APBB1: variants seen among roughly 807,000 people sequenced by gnomAD.
APBB1 encodes adaptor protein FE65a2.
A neutral mutation model predicts 78.4 loss-of-function variants in APBB1; 22 were observed. The ratio of observed to expected loss-of-function variants is 0.28; its 90% CI spans 0.20 to 0.40. APBB1 has a LOEUF of 0.40. APBB1 is among the 10% of genes least tolerant of loss of function. The probability of loss-of-function intolerance (pLI) is 1.00; values close to 1 mark genes in which losing one functional copy is unlikely to be tolerated. For synonymous variants in APBB1, 369 were observed against 372.7 expected, an observed-to-expected ratio of 0.99 and a Z score of 0.12; for missense variants, 749 against 932.4, an observed-to-expected ratio of 0.80 and a Z score of 2.56.
At chr11:6,414,115 C>T (rs1394501921) in intron 1 of APBB1, among the ~76,000 whole-genome samples, 2 of 152,086 alleles carry the variant, frequency 1.3e-5, no homozygotes, top group South Asian at 2.1e-4. Flanking sequence ...CCTCTATAAC[C>T]TGTCAGTCCC....
chr11:6,395,719 G>A lies in APBB1; in HGVS notation c.1966-18C>T, dbSNP rs757065822. The A allele has an allele frequency of 6.3e-6, 10 of 1,592,998 alleles. No individual in the cohort carries two copies. The highest frequency in any genetic ancestry group is 5.7e-5 in the South Asian group (5 of 88,350). On this transcript the variant is annotated intron_variant, in intron 14 of 14. Coordinates refer to ENST00000609360, the MANE Select transcript of APBB1 (RefSeq NM_001164.5). This position sits in a 1 kb window ranked among gnomAD's most constrained non-coding sequence, Gnocchi z 5.2. ...TAGCGAAGCTGCGGAGGCAAGCAGG[G>A]CAGTCACTCCCCAGCCTACCTCCCA...
intron 1 of APBB1, among the ~76,000 whole-genome samples, chr11:6,413,856 G>T (rs368546910): frequency 6.6e-6 from 1 of 152,122 alleles, no homozygotes; most frequent in African/African-American, 2.4e-5. Flanking sequence ...AGGTTTCTGC[G>T]CACGTGTCTG....
In APBB1 at chr11:6,408,598, G is replaced by A. The variant is rs146214443; in HGVS notation, c.721+2029C>T. 5.5e-3 allele frequency among the ~76,000 whole-genome samples: 828 copies of A among 151,464 alleles called. 7 individuals are homozygous for A. The highest frequency in any genetic ancestry group is 0.019 in the African/African-American group (801 of 41,220). On this transcript the variant is annotated intron_variant, in intron 2 of 14. Coordinates refer to ENST00000609360, the MANE Select transcript of APBB1 (RefSeq NM_001164.5). The stretch of plus-strand genomic sequence containing the variant: ...CAGCTCACCACAACCTCTGTCTCCC[G>A]GGTTCAAGTGATTCTCCTGCCTCAA...
At chr11:6,409,877 C>A (rs992207093) in intron 2 of APBB1, among the ~76,000 whole-genome samples, 3 of 152,154 alleles carry the variant, frequency 2.0e-5, no homozygotes, top group Non-Finnish European at 4.4e-5. Context: ...CTCCCCCTAC[C>A]CAAAGGGTTT....
intron 1 of APBB1, among the ~76,000 whole-genome samples, chr11:6,412,109 G>C (rs1848981684): frequency 6.6e-6 from 1 of 152,188 alleles, no homozygotes; most frequent in African/African-American, 2.4e-5. Flanking sequence ...CCTTTCCCCT[G>C]GGCCCCTCAG....
At chr11:6,412,418 T>C (rs1564947022) in intron 1 of APBB1, among the ~76,000 whole-genome samples, 2 of 152,178 alleles carry the variant, frequency 1.3e-5, no homozygotes, top group Non-Finnish European at 2.9e-5. Flanking sequence ...CCCAAAGTGC[T>C]GGGATTACAG....
intron 1 of APBB1, among the ~76,000 whole-genome samples, chr11:6,413,172 T>G (rs912770972): frequency 1.8e-4 from 27 of 152,004 alleles, no homozygotes; most frequent in African/African-American, 6.3e-4. Flanking sequence ...TTCTCTCTCA[T>G]CCTGAGCCCT....
chr11:6,413,089 A>G (rs1292819604), intron 1 of APBB1, among the ~76,000 whole-genome samples: 2 of 151,704 alleles, frequency 1.3e-5, no homozygotes, highest in African/African-American at 4.9e-5. Flanking sequence ...GACCCCCAAG[A>G]GAAAGTGCTC....
chr11:6,403,807 G>A lies in APBB1; in HGVS notation c.737C>T (p.Pro246Leu). Residue 246 changes from proline (P) to leucine (L), a missense_variant, in exon 3 of 15, where the codon CCC (proline) becomes CTC (leucine). Transcript: ENST00000609360. The surrounding 1 kb of genome is among the most constrained non-coding windows in gnomAD (Gnocchi z 5.3). Reference sequence around the variant, plus strand: ...GTCGGAATCCGTCTCGAAGGCGTTGGGGTTCCAGAAGGAATCTGCCAGGTG... The same window carrying A: ...GTCGGAATCCGTCTCGAAGGCGTTGAGGTTCCAGAAGGAATCTGCCAGGTG... ...SPEDTDSFWN[P>L]NAFETDSDLP... The A allele has an allele frequency of 6.4e-7, 1 of 1,551,778 alleles. No homozygotes were observed. Among genetic ancestry groups the A allele is most frequent in the Non-Finnish European group, 8.7e-7 (1 of 1,148,238 alleles).
At chr11:6,397,818 T>C (rs936779564) in intron 12 of APBB1, among the ~76,000 whole-genome samples, 3 of 152,224 alleles carry the variant, frequency 2.0e-5, no homozygotes, top group African/African-American at 7.2e-5. Context: ...GCTGAAGAAA[T>C]TCCAGATGCA....
intron 1 of APBB1, among the ~76,000 whole-genome samples, chr11:6,416,783 C>G (rs999462773): frequency 2.0e-4 from 31 of 151,858 alleles, no homozygotes; most frequent in Non-Finnish European, 3.4e-4. Context: ...GCTGTGTCAC[C>G]CAGGCTACAG....
rs1490363160 is a variant in APBB1 at position 6,410,994 on chromosome 11, A to G, written c.354T>C (p.Ser118=). The G allele has an allele frequency of 1.2e-6, 2 of 1,614,166 alleles. No homozygotes were observed. The highest frequency in any genetic ancestry group is 1.1e-5 in the South Asian group (1 of 91,090). The change falls in exon 2 of 15, where the codon TCT becomes TCC. Residue 118 remains serine, a synonymous_variant. Coordinates refer to ENST00000609360, the MANE Select transcript of APBB1 (RefSeq NM_001164.5). ...LGPKGLIHLY[S]ELELSAHNAA... is the part of the protein sequence containing the mutation. Reference sequence around the variant, plus strand: ...CGTTGTGAGCTGAGAGCTCCAGCTCAGAGTACAGGTGTATCAGGCCTTTGG... The same window carrying G: ...CGTTGTGAGCTGAGAGCTCCAGCTCGGAGTACAGGTGTATCAGGCCTTTGG...
At chr11:6,413,373 G>A (rs755646249) in intron 1 of APBB1, among the ~76,000 whole-genome samples, 1 of 152,146 alleles carries the variant, frequency 6.6e-6, no homozygotes, top group African/African-American at 2.4e-5. Flanking sequence ...TGTCTTATCT[G>A]AGAGTTCCCT....
rs779863777 is a variant in APBB1, at chr11:6,411,151, T to C, written c.197A>G (p.Asn66Ser). Reference protein sequence around the residue: ...EGGGPEPGPANAKWLKEGQNQ... With the variant: ...EGGGPEPGPASAKWLKEGQNQ... ...CTGGCCCTCTTTTAGCCACTTGGCATTGGCAGGGCCTGGCTCAGGCCCACC... is the reference window on the plus strand; with the variant it reads ...CTGGCCCTCTTTTAGCCACTTGGCACTGGCAGGGCCTGGCTCAGGCCCACC... Residue 66 changes from asparagine to serine, a missense_variant, in exon 2 of 15, where the codon AAT (asparagine) becomes AGT (serine). Transcript: ENST00000609360. The surrounding 1 kb of genome is among the most constrained non-coding windows in gnomAD (Gnocchi z 5.2). 5.0e-6 allele frequency: 8 copies of C among 1,609,932 alleles called. No homozygotes were observed. In the Admixed American group the frequency reaches 1.2e-4, roughly 23 times the overall value.
At chr11:6,418,942 G>A (rs1030048385) in intron 1 of APBB1, 43 bp downstream of exon 1, 7 of 386,056 alleles carry the variant, frequency 1.8e-5, no homozygotes, top group African/African-American at 6.3e-5. Context: ...TGGTGATCGG[G>A]ACGCAGCCAC....
chr11:6,395,821 C>T lies in APBB1; in HGVS notation c.1930G>A (p.Ala644Thr). 6.2e-7 allele frequency: 1 copy of T among 1,614,106 alleles called. No individual in the cohort carries two copies. Among genetic ancestry groups the T allele is most frequent in the Non-Finnish European group, 8.5e-7 (1 of 1,180,008 alleles). The change falls in exon 14 of 15, where the codon GCC becomes ACC. Residue 644 changes from alanine to threonine, a missense_variant. Physicochemically the swap from Ala to Thr is moderately conservative, Grantham distance 58. This residue lies in a region of APBB1 where 96 missense variants were observed against 116.0 expected (regional missense o/e 0.83). Transcript: ENST00000609360. The surrounding 1 kb of genome is among the most constrained non-coding windows in gnomAD (Gnocchi z 5.2). ...CHMFWCEPNA[A>T]SLSEAVQAAC... ...GCCTGCACAGCCTCTGAGAGGCTGGCAGCATTGGGCTCGCACCAGAACATG... is the reference window on the plus strand; with the variant it reads ...GCCTGCACAGCCTCTGAGAGGCTGGTAGCATTGGGCTCGCACCAGAACATG...
Position 6,415,921 on chromosome 11 carries a change from G to C in APBB1, c.-15+3064C>G, listed in dbSNP as rs1849106154. Among the ~76,000 whole-genome samples, 3 of 152,006 alleles carry C rather than the reference G, an allele frequency of 2.0e-5. No individual in the cohort carries two copies. The South Asian group carries it at 6.2e-4, about 32-fold the overall frequency. ...TGACGCTCCTCCAGATCCACTCACT[G>C]CTCTCTTTCCTCCCCCATACAGGCA... On this transcript the variant is annotated intron_variant, in intron 1 of 14. Transcript: ENST00000609360.
chr11:6,404,648 C>T (rs1333498296), intron 2 of APBB1: 3 of 1,536,236 alleles, frequency 2.0e-6, no homozygotes, highest in African/African-American at 1.4e-5. Context: ...GGCAGAGCCA[C>T]ACCACTCCAA....
chr11:6,413,148 C>T (rs922599317), intron 1 of APBB1, among the ~76,000 whole-genome samples: 1 of 152,066 alleles, frequency 6.6e-6, no homozygotes, highest in Admixed American at 6.6e-5. Context: ...TCTCCCTGAC[C>T]AACCACTGCC....
Sources: gnomAD v4.1 joint callset for allele counts (sites outside exome capture counted in the v4.1 genomes callset) on GRCh38, gnomAD v4.1.1 for gene constraint, gnomAD v4.1.1 regional missense constraint, Gnocchi (gnomAD v3.1) non-coding constraint, MANE v1.5 for transcripts, NCBI Gene and HGNC (gene_info 2026-07-23, HGNC 2026-07-21) for gene names.